The following NT5DC1 variants were observed in gnomAD, a reference collection of about 807,000 sequenced individuals.
The protein encoded by NT5DC1 is 5'-nucleotidase domain containing 1.
NT5DC1 carries 42 observed loss-of-function variants against 59.4 expected under a neutral mutation model. That is an observed-to-expected ratio of 0.71 (90% CI 0.55 to 0.92). The LOEUF is 0.92. Ranked by LOEUF, NT5DC1 falls within the 40% of genes least tolerant of loss-of-function variation. The pLI is 0.00. For synonymous variants in NT5DC1, 172 were observed against 188.1 expected, an observed-to-expected ratio of 0.91 and a Z score of 0.70; for missense variants, 501 against 537.1, an observed-to-expected ratio of 0.93 and a Z score of 0.66.
At chr6:116,197,607 G>A (rs757963585) in intron 6 of NT5DC1, among the ~76,000 whole-genome samples, 4 of 151,960 alleles carry the variant, frequency 2.6e-5, no homozygotes, top group African/African-American at 7.2e-5. Flanking sequence ...CCCAAATGTC[G>A]GAGTTAGACT....
In NT5DC1 at chr6:116,247,142, T is replaced by C. The variant is rs1009641524; in HGVS notation, c.*3118T>C. On this transcript the variant is annotated 3_prime_UTR_variant, in exon 12 of 12. Coordinates refer to ENST00000319550, the MANE Select transcript of NT5DC1 (RefSeq NM_152729.3). ...CTTGATACATAATGTCTTCCAATAT[T>C]GAATCTAGACTAGGGCAAATTCTCA... 6.6e-6 allele frequency: 1 copy of C among 152,134 alleles called. No individual in the cohort carries two copies. The highest frequency in any genetic ancestry group is 1.5e-5 in the Non-Finnish European group (1 of 68,000). 9.4% of individuals were successfully genotyped at this position (152,134 alleles called of 1,614,324 possible). A position where few individuals can be genotyped will look rare whatever the true frequency, so the allele number is the denominator to read the frequency against.
intron 6 of NT5DC1, among the ~76,000 whole-genome samples, chr6:116,172,317 C>CTTTTTTTT (rs71554843): frequency 9.3e-6 from 1 of 108,024 alleles, no homozygotes; most frequent in Non-Finnish European, 1.8e-5. Flanking sequence ...CCCTTAGTAA[C>CTTTTTTTT]TTTTTTTTTT....
At chr6:116,182,902 G>C (rs1780919706) in intron 6 of NT5DC1, among the ~76,000 whole-genome samples, 1 of 151,780 alleles carries the variant, frequency 6.6e-6, no homozygotes, top group East Asian at 1.9e-4. Context: ...ATTTATCTTT[G>C]CTTTTGTTGA....
chr6:116,208,966 T>C (rs1016081459), intron 6 of NT5DC1, among the ~76,000 whole-genome samples: 3 of 151,930 alleles, frequency 2.0e-5, no homozygotes, highest in Admixed American at 2.0e-4. Flanking sequence ...TACATAAAGG[T>C]ATTTATGTTG....
intron 6 of NT5DC1, among the ~76,000 whole-genome samples, chr6:116,176,502 G>A (rs1045440089): frequency 6.6e-6 from 1 of 152,178 alleles, no homozygotes; most frequent in African/African-American, 2.4e-5. Context: ...TTTACTTGCA[G>A]CTGACATTAG....
chr6:116,238,042 G>T, intron 9 of NT5DC1, 145 bp from the exon 10 acceptor site: 1 of 543,068 alleles, frequency 1.8e-6, no homozygotes, highest in Non-Finnish European at 3.2e-6. Context: ...TCACCTGTGA[G>T]ATTATTCAAA....
intron 5 of NT5DC1, among the ~76,000 whole-genome samples, chr6:116,117,586 G>A (rs1223625977): frequency 6.6e-6 from 1 of 152,136 alleles, no homozygotes; most frequent in Non-Finnish European, 1.5e-5. Context: ...GTTGGGCAAA[G>A]TCATCAAAAG....
At chr6:116,122,590 A>G (rs956546571) in intron 6 of NT5DC1, among the ~76,000 whole-genome samples, 1 of 152,214 alleles carries the variant, frequency 6.6e-6, no homozygotes, top group Non-Finnish European at 1.5e-5. Flanking sequence ...AAATACAAAT[A>G]TATAGTGTTT....
chr6:116,143,332 T>C (rs1173581581), intron 6 of NT5DC1, among the ~76,000 whole-genome samples: 1 of 152,114 alleles, frequency 6.6e-6, no homozygotes, highest in African/African-American at 2.4e-5. Context: ...TGCCTCAACC[T>C]CTCAAGTAGC....
intron 6 of NT5DC1, among the ~76,000 whole-genome samples, chr6:116,153,704 G>T (rs1240213503): frequency 6.6e-6 from 1 of 152,116 alleles, no homozygotes; most frequent in Non-Finnish European, 1.5e-5. Context: ...ACTGGCAACA[G>T]ACAGTTGGAG....
chr6:116,198,331 T>C (rs771156290), intron 6 of NT5DC1, among the ~76,000 whole-genome samples: 2 of 152,076 alleles, frequency 1.3e-5, no homozygotes, highest in Non-Finnish European at 2.9e-5. Flanking sequence ...TATATGGAGA[T>C]AGGCCTTTCC....
chr6:116,119,848 G>T, intron 6 of NT5DC1: 1 of 492,800 alleles, frequency 2.0e-6, no homozygotes, highest in Non-Finnish European at 3.6e-6. Flanking sequence ...AAACCTTAAA[G>T]AGCCTTAAGA....
chr6:116,218,179 C>G (rs112881293), intron 6 of NT5DC1, among the ~76,000 whole-genome samples: 2 of 152,056 alleles, frequency 1.3e-5, no homozygotes, highest in Admixed American at 6.6e-5. Context: ...AATTGAGATA[C>G]TAATGCAATT....
rs371780464 is a variant in NT5DC1 at position 116,196,582 on chromosome 6, TTA to T, written c.530-24465_530-24464del. On this transcript the variant is annotated intron_variant, in intron 6 of 11. Coordinates refer to ENST00000319550, the MANE Select transcript of NT5DC1 (RefSeq NM_152729.3). ...ACTATTTGGATGTTATTTTATCAAA[TTA>T]TATATAGTATATAGAAAGTTGAGGT... Among the ~76,000 whole-genome samples the T allele has an allele frequency of 2.5e-4, 38 of 152,170 alleles. No individual in the cohort carries two copies. The East Asian group carries it at 7.4e-3, about 30-fold the overall frequency.
intron 2 of NT5DC1, among the ~76,000 whole-genome samples, chr6:116,107,920 C>T (rs143422962): frequency 1.5e-3 from 234 of 152,146 alleles, no homozygotes; most frequent in African/African-American, 5.6e-3. Flanking sequence ...GTTCTTGTAA[C>T]CTGACCTAAA....
intron 6 of NT5DC1, among the ~76,000 whole-genome samples, chr6:116,220,823 T>A (rs1418346870): frequency 6.7e-6 from 1 of 149,254 alleles, no homozygotes; most frequent in Non-Finnish European, 1.5e-5. Context: ...TCAGTTCTTG[T>A]CAAATAGCCA....
chr6:116,121,814 C>G lies in NT5DC1; in HGVS notation c.529+3869C>G, dbSNP rs749837227. The G allele has an allele frequency of 7.4e-6, 12 of 1,613,978 alleles. No homozygotes were observed. In the Admixed American group the frequency reaches 1.8e-4, roughly 25 times the overall value. On this transcript the variant is annotated intron_variant, in intron 6 of 11. Transcript: ENST00000319550. ...ACCTGGTTTCCCTACAGCTGATGGT[C>G]CCGGTGGTCCTGGCAACCCTGGCTC...
chr6:116,141,992 CAA>C (rs1779778459), intron 6 of NT5DC1, among the ~76,000 whole-genome samples: 1 of 151,172 alleles, frequency 6.6e-6, no homozygotes, highest in African/African-American at 2.4e-5. Flanking sequence ...AAAATTTTGA[CAA>C]AGTTACTTAG....
At chr6:116,208,394 A>C (rs1781502951) in intron 6 of NT5DC1, among the ~76,000 whole-genome samples, 1 of 152,036 alleles carries the variant, frequency 6.6e-6, no homozygotes, top group Admixed American at 6.6e-5. Flanking sequence ...ACATTTTAAA[A>C]CCGTTTGAAA....
Sources: allele counts gnomAD v4.1 joint callset (sites outside exome capture counted in the v4.1 genomes callset), GRCh38; gene constraint gnomAD v4.1.1; transcripts MANE v1.5; gene names NCBI Gene and HGNC (gene_info 2026-07-23, HGNC 2026-07-21).